CDADC1: variants seen among roughly 807,000 people sequenced by gnomAD.
CDADC1 encodes the protein cytidine and dCMP deaminase domain containing 1, also known as dCTP deaminase.
CDADC1 carries 39 observed loss-of-function variants against 54.9 expected under a neutral mutation model. The observed-to-expected ratio is 0.71, with a 90% CI of 0.55 to 0.93. The LOEUF is 0.93. CDADC1 is among the 40% of genes least tolerant of loss of function. The pLI, the probability that CDADC1 is intolerant of heterozygous loss-of-function variation, is 0.00. For missense variants in CDADC1, 518 were observed against 618.8 expected (o/e 0.84, Z 1.73); for synonymous variants, 186 against 204.0 (o/e 0.91, Z 0.75).
intron 4 of CDADC1, 90 bp from the exon 5 acceptor site, chr13:49,267,400 A>G: frequency 1.9e-6 from 2 of 1,042,188 alleles, no homozygotes; most frequent in Non-Finnish European, 2.8e-6. Context: ...TGAGGGTTCT[A>G]GATATACTGC....
chr13:49,257,563 G>A (rs1952574239), intron 3 of CDADC1, among the ~76,000 whole-genome samples: 1 of 152,322 alleles, frequency 6.6e-6, no homozygotes, highest in Admixed American at 6.5e-5. Context: ...GAGATCCAGA[G>A]ATCGAGACCA....
In CDADC1 at chr13:49,267,474, G is replaced by T; in HGVS notation, c.431-16G>T. On this transcript the variant is annotated splice_polypyrimidine_tract_variant and intron_variant, in intron 4 of 9. Coordinates refer to ENST00000251108, the MANE Select transcript of CDADC1 (RefSeq NM_030911.4). ...AGCATGTATCTCATAATTACCTTTC[G>T]TATTTTGTATTTCAGCTGGAGTTAA... 6.3e-7 allele frequency: 1 copy of T among 1,596,896 alleles called. No individual in the cohort carries two copies. The highest frequency in any genetic ancestry group is 8.5e-7 in the Non-Finnish European group (1 of 1,169,700).
intron 4 of CDADC1, among the ~76,000 whole-genome samples, chr13:49,264,963 C>G (rs185395041): frequency 2.6e-5 from 4 of 152,284 alleles, no homozygotes; most frequent in Admixed American, 2.6e-4. Flanking sequence ...AAGCCAGTTA[C>G]TGGCAGAACT....
intron 5 of CDADC1, among the ~76,000 whole-genome samples, chr13:49,268,769 A>G (rs1379209291): frequency 1.3e-5 from 2 of 152,200 alleles, no homozygotes; most frequent in African/African-American, 4.8e-5. Context: ...TTACAATAAC[A>G]TTAATTCAAA....
At chr13:49,275,870 G>T (rs1953118759) in intron 6 of CDADC1, among the ~76,000 whole-genome samples, 1 of 150,528 alleles carries the variant, frequency 6.6e-6, no homozygotes, top group African/African-American at 2.4e-5. Context: ...CTGGGTTCAA[G>T]CAATTCTCCT....
chr13:49,272,846 CG>C (rs1282725466), intron 5 of CDADC1, among the ~76,000 whole-genome samples: 3 of 151,606 alleles, frequency 2.0e-5, no homozygotes, highest in Admixed American at 6.6e-5. Flanking sequence ...TTAGTAGAGA[CG>C]GGGTTTCACC....
Position 49,292,421 on chromosome 13 carries a change from TGACTCTTGAA to T in CDADC1, c.*665_*674del. On this transcript the variant is annotated 3_prime_UTR_variant, in exon 10 of 10. Coordinates refer to ENST00000251108, the MANE Select transcript of CDADC1 (RefSeq NM_030911.4). ...AGACAGTGTCGCTGCTTGATATCAC[TGACTCTTGAA>T]ATCACTAACAGTGAACCTCAAATTT... 1 of 998,464 alleles carries T rather than the reference TGACTCTTGAA, an allele frequency of 1.0e-6. No individual in the cohort carries two copies. Among genetic ancestry groups the T allele is most frequent in the Non-Finnish European group, 1.2e-6 (1 of 837,672 alleles). 61.9% of individuals were successfully genotyped at this position (998,464 alleles called of 1,614,324 possible). A position where few individuals can be genotyped will look rare whatever the true frequency, so the allele number is the denominator to read the frequency against.
At position 49,284,296 on chromosome 13, in the gene CDADC1, G is replaced by A. The variant is rs1022486367; in HGVS notation, c.1411-1926G>A. Among the ~76,000 whole-genome samples, 3 of 152,158 alleles carry A rather than the reference G, an allele frequency of 2.0e-5. 1 individual carries two copies. The highest frequency in any genetic ancestry group is 2.0e-4 in the Admixed American group (3 of 15,280). On this transcript the variant is annotated intron_variant, in intron 8 of 9. Transcript: ENST00000251108. ...GAAGACTAGGAAAATAAAAAAGAAC[G>A]TGTATTATCTCACAACTCATAGATA... is the stretch of plus-strand genomic sequence containing the variant.
intron 5 of CDADC1, among the ~76,000 whole-genome samples, chr13:49,268,901 A>T (rs893468858): frequency 1.3e-5 from 2 of 152,198 alleles, no homozygotes; most frequent in African/African-American, 4.8e-5. Flanking sequence ...GTATATTTGG[A>T]AAAGGAAAAT....
chr13:49,282,694 A>T (rs949133984), intron 8 of CDADC1, among the ~76,000 whole-genome samples: 2 of 152,240 alleles, frequency 1.3e-5, no homozygotes, highest in Non-Finnish European at 2.9e-5. Flanking sequence ...CCAGTTAAGA[A>T]GCTTCTTCTG....
chr13:49,293,021 G>A lies in CDADC1; in HGVS notation c.*1264G>A, dbSNP rs1953755082. 8.2e-6 allele frequency: 2 copies of A among 244,862 alleles called. No individual in the cohort carries two copies. Among genetic ancestry groups the A allele is most frequent in the African/African-American group, 2.2e-5 (1 of 44,628 alleles). 15.2% of individuals were successfully genotyped at this position (244,862 alleles called of 1,614,324 possible). Reference sequence around the variant, plus strand: ...TCATCATACAAGGCAGCCAAGAACTGCCATAAACACTACACAGATGGAGGG... The same window carrying A: ...TCATCATACAAGGCAGCCAAGAACTACCATAAACACTACACAGATGGAGGG... On this transcript the variant is annotated 3_prime_UTR_variant, in exon 10 of 10. Transcript: ENST00000251108.
intron 5 of CDADC1, among the ~76,000 whole-genome samples, chr13:49,272,690 C>T (rs1953002611): frequency 7.1e-6 from 1 of 141,436 alleles, no homozygotes; most frequent in Non-Finnish European, 1.5e-5. Flanking sequence ...TGGAGTTCTG[C>T]TCTGTCCCCC....
At chr13:49,251,456 A>G (rs553541635) in intron 2 of CDADC1, among the ~76,000 whole-genome samples, 23 of 152,264 alleles carry the variant, frequency 1.5e-4, no homozygotes, top group African/African-American at 5.3e-4. Context: ...ATTGAATACA[A>G]ATTTTGAAAA....
At chr13:49,272,866 CAG>C in intron 5 of CDADC1, among the ~76,000 whole-genome samples, 1 of 152,030 alleles carries the variant, frequency 6.6e-6, no homozygotes, top group East Asian at 1.9e-4. Context: ...CCATGTTGGC[CAG>C]GCTGTGTCAA....
In CDADC1 at chr13:49,255,821, TA is replaced by T. The variant is rs1952532400; in HGVS notation, c.178-16del. 6.8e-6 allele frequency: 11 copies of T among 1,607,364 alleles called. No homozygotes were observed. The highest frequency in any genetic ancestry group is 8.5e-6 in the Non-Finnish European group (10 of 1,177,546). On this transcript the variant is annotated splice_polypyrimidine_tract_variant and intron_variant, in intron 2 of 9. Transcript: ENST00000251108. ...TTATGTGCTAATCTTTTTTTTTCCT[TA>T]ATCTGATTTTTATTAGAAAAATGAA...
intron 9 of CDADC1, among the ~76,000 whole-genome samples, chr13:49,288,773 G>A (rs935720206): frequency 6.6e-6 from 1 of 151,966 alleles, no homozygotes; most frequent in Non-Finnish European, 1.5e-5. Flanking sequence ...CAACTCTCAA[G>A]TGCCCTTCCA....
At chr13:49,278,562 A>C (rs758795144) in intron 7 of CDADC1, 43 bp downstream of exon 7, 1 of 1,317,610 alleles carries the variant, frequency 7.6e-7, no homozygotes, top group South Asian at 1.6e-5. Flanking sequence ...AAATGTAGCA[A>C]GGGTTGGTTG....
chr13:49,262,519 C>T (rs571141062), intron 4 of CDADC1, among the ~76,000 whole-genome samples: 31 of 152,004 alleles, frequency 2.0e-4, no homozygotes, highest in East Asian at 9.7e-4. Context: ...CTACTGTTTC[C>T]GTATCTTTAT....
intron 8 of CDADC1, 32 bp from the exon 9 acceptor site, chr13:49,286,190 T>C: frequency 1.3e-6 from 2 of 1,572,136 alleles, no homozygotes; most frequent in Non-Finnish European, 1.8e-6. Flanking sequence ...AAATCCTCTT[T>C]AAACAAGTAA....
Sources: allele counts gnomAD v4.1 joint callset (sites outside exome capture counted in the v4.1 genomes callset), GRCh38; gene constraint gnomAD v4.1.1; transcripts MANE v1.5; gene names NCBI Gene and HGNC (gene_info 2026-07-23, HGNC 2026-07-21).